Variants in CORO2B observed in about 807,000 individuals in gnomAD.
CORO2B encodes coronin 2B.
In CORO2B, 26 loss-of-function variants were observed where a neutral mutation model predicts 58.8. That is an observed-to-expected ratio of 0.44 (90% CI 0.32 to 0.61). CORO2B has a LOEUF of 0.61. Among genes scored for constraint, CORO2B ranks in the 20% least tolerant of loss-of-function variants. CORO2B has a pLI of 0.04. For missense variants in CORO2B, 460 were observed against 645.1 expected (o/e 0.71, Z 3.11); for synonymous variants, 242 against 253.8 (o/e 0.95, Z 0.44).
chr15:68,548,733 T>C, the CORO2B span, among the ~76,000 whole-genome samples: 2 of 152,220 alleles, frequency 1.3e-5, no homozygotes, highest in Admixed American at 6.5e-5. Context: ...TACTCAATAC[T>C]TTCAGACTTT....
At chr15:68,669,057 AAGAAAGAG>A (rs1175347252) in intron 2 of CORO2B, among the ~76,000 whole-genome samples, 2 of 148,864 alleles carry the variant, frequency 1.3e-5, no homozygotes, top group East Asian at 1.9e-4. Context: ...CTCCATCAGA[AAGAAAGAG>A]AGAAAGAGAG....
At chr15:68,604,080 G>A (rs755135) in intron 1 of CORO2B, among the ~76,000 whole-genome samples, 35 of 152,164 alleles carry the variant, frequency 2.3e-4, no homozygotes, top group Non-Finnish European at 4.4e-4. Flanking sequence ...AGCACTGAGT[G>A]TATTTCATAC....
the CORO2B span, among the ~76,000 whole-genome samples, chr15:68,532,818 C>A: frequency 2.6e-5 from 4 of 152,122 alleles, no homozygotes; most frequent in African/African-American, 4.8e-5. Flanking sequence ...TTGTTTAAAT[C>A]TTTATTAGGG....
At chr15:68,641,305 T>G (rs1318317625) in intron 1 of CORO2B, among the ~76,000 whole-genome samples, 1 of 152,140 alleles carries the variant, frequency 6.6e-6, no homozygotes, top group Non-Finnish European at 1.5e-5. Context: ...TCAGAAGTGC[T>G]AGCTGGGCTG....
At chr15:68,605,790 T>G (rs762492494) in intron 1 of CORO2B, among the ~76,000 whole-genome samples, 61 of 140,998 alleles carry the variant, frequency 4.3e-4, no homozygotes, top group Non-Finnish European at 7.6e-4. Flanking sequence ...TGGCGCAATA[T>G]CTCAGCTCAC....
At chr15:68,577,485 A>C (rs919045407), upstream of CORO2B, among the ~76,000 whole-genome samples, 1 of 152,022 alleles carries the variant, frequency 6.6e-6, no homozygotes, top group Non-Finnish European at 1.5e-5. Context: ...GCACTTTGGG[A>C]GGCCGAGGCG....
At chr15:68,664,900 A>G (rs1397841101) in intron 2 of CORO2B, among the ~76,000 whole-genome samples, 16 of 152,088 alleles carry the variant, frequency 1.1e-4, no homozygotes, top group Admixed American at 1.0e-3. Flanking sequence ...GAAGTCCTTT[A>G]TATGTTAGGG....
intron 1 of CORO2B, among the ~76,000 whole-genome samples, chr15:68,598,397 C>A (rs1009295317): frequency 2.0e-5 from 3 of 152,226 alleles, no homozygotes; most frequent in Non-Finnish European, 2.9e-5. Context: ...GTCTCTGCTT[C>A]TCTATTTTGC....
At chr15:68,576,478 G>C (rs1356024555), upstream of CORO2B, among the ~76,000 whole-genome samples, 4 of 152,198 alleles carry the variant, frequency 2.6e-5, no homozygotes, top group Non-Finnish European at 5.9e-5. Context: ...ACGGCGGATG[G>C]CGGGAAAGGT....
At chr15:68,537,659 C>A in the CORO2B span, among the ~76,000 whole-genome samples, 2 of 152,162 alleles carry the variant, frequency 1.3e-5, no homozygotes, top group Admixed American at 6.5e-5. Flanking sequence ...CCGCCTCCCC[C>A]ACAGGCCCCA....
chr15:68,675,559 T>G (rs1315941199), intron 2 of CORO2B, among the ~76,000 whole-genome samples: 1 of 152,182 alleles, frequency 6.6e-6, no homozygotes, highest in South Asian at 2.1e-4. Flanking sequence ...AGCAAGACCA[T>G]GAACCCTTCT....
intron 2 of CORO2B, among the ~76,000 whole-genome samples, chr15:68,693,825 A>ATTTGTTTG (rs71905785): frequency 3.8e-4 from 58 of 151,116 alleles, no homozygotes; most frequent in African/African-American, 1.2e-3. Flanking sequence ...TCTGGTTGTG[A>ATTTGTTTG]TTTGTTTGTT....
chr15:68,576,757 G>A (rs931924508), upstream of CORO2B, among the ~76,000 whole-genome samples: 4 of 152,096 alleles, frequency 2.6e-5, no homozygotes, highest in African/African-American at 9.7e-5. Context: ...GGTGGGAAAT[G>A]CTTTCATGGG....
chr15:68,598,845 T>C (rs1595959698), intron 1 of CORO2B, among the ~76,000 whole-genome samples: 1 of 152,010 alleles, frequency 6.6e-6, no homozygotes, highest in African/African-American at 2.4e-5. Flanking sequence ...CCTGGAAGAG[T>C]GACTCTGCTT....
chr15:68,703,192 C>T (rs949918804), intron 3 of CORO2B, among the ~76,000 whole-genome samples: 1 of 133,918 alleles, frequency 7.5e-6, no homozygotes, highest in African/African-American at 2.8e-5. Context: ...TGCTCTGTCA[C>T]CAGGCTGTCA....
chr15:68,725,294 A>C (rs544726334), intron 11 of CORO2B, among the ~76,000 whole-genome samples: 1 of 152,270 alleles, frequency 6.6e-6, no homozygotes, highest in East Asian at 1.9e-4. Context: ...GTTTGAACCC[A>C]GGAGACAGAG....
intron 1 of CORO2B, among the ~76,000 whole-genome samples, chr15:68,597,897 G>A (rs913784488): frequency 1.3e-5 from 2 of 152,204 alleles, no homozygotes; most frequent in Non-Finnish European, 2.9e-5. Context: ...CTGACCAGGG[G>A]GATCCAGTGA....
intron 11 of CORO2B, among the ~76,000 whole-genome samples, chr15:68,720,467 G>A (rs1893134900): frequency 6.6e-6 from 1 of 152,168 alleles, no homozygotes; most frequent in Admixed American, 6.5e-5. Context: ...TTGCATGCCC[G>A]TGGCTGAAGG....
At chr15:68,697,505 A>G (rs753539596) in intron 3 of CORO2B, among the ~76,000 whole-genome samples, 2 of 152,156 alleles carry the variant, frequency 1.3e-5, no homozygotes, top group African/African-American at 4.8e-5. Context: ...TACCTAGTAC[A>G]TGGGAGAGTG....
Sources: gnomAD v4.1 joint callset for allele counts (sites outside exome capture counted in the v4.1 genomes callset) on GRCh38, gnomAD v4.1.1 for gene constraint, MANE v1.5 for transcripts, NCBI Gene and HGNC (gene_info 2026-07-23, HGNC 2026-07-21) for gene names.